The following SIPA1L1 variants were observed in gnomAD, a reference collection of about 807,000 sequenced individuals.
SIPA1L1 encodes the protein signal-induced proliferation-associated 1-like protein 1.
SIPA1L1 carries 26 observed loss-of-function variants against 162.7 expected under a neutral mutation model. The ratio of observed to expected loss-of-function variants is 0.16; its 90% CI spans 0.12 to 0.22. The LOEUF is 0.22. Among genes scored for constraint, SIPA1L1 ranks in the 10% least tolerant of loss-of-function variants. The pLI is 1.00. For missense variants in SIPA1L1, 1,874 were observed against 2,241.0 expected, an observed-to-expected ratio of 0.84 and a Z score of 3.31; for synonymous variants, 829 against 837.4, an observed-to-expected ratio of 0.99 and a Z score of 0.17.
intron 21 of SIPA1L1, among the ~76,000 whole-genome samples, chr14:71,734,068 C>A (rs2085054997): frequency 6.6e-6 from 1 of 152,232 alleles, no homozygotes; most frequent in Admixed American, 6.5e-5. Context: ...ATGGGAAGGG[C>A]AATGGGTAGA....
intron 2 of SIPA1L1, among the ~76,000 whole-genome samples, chr14:71,462,130 G>T (rs2046648083): frequency 6.6e-6 from 1 of 152,242 alleles, no homozygotes; most frequent in African/African-American, 2.4e-5. Flanking sequence ...AGTTCAGGTT[G>T]CATGGTGACT....
chr14:71,500,549 A>G (rs1467597295), intron 2 of SIPA1L1, among the ~76,000 whole-genome samples: 2 of 152,216 alleles, frequency 1.3e-5, no homozygotes, highest in Non-Finnish European at 2.9e-5. Context: ...ACACCCTGCT[A>G]GTGGGAGTAA....
intron 2 of SIPA1L1, among the ~76,000 whole-genome samples, chr14:71,393,598 A>G (rs2040942091): frequency 6.6e-6 from 1 of 152,090 alleles, no homozygotes; most frequent in South Asian, 2.1e-4. Flanking sequence ...AGATGAGGCA[A>G]GACGTTCAAG....
intron 2 of SIPA1L1, among the ~76,000 whole-genome samples, chr14:71,408,228 A>G (rs970741108): frequency 2.6e-5 from 4 of 152,194 alleles, no homozygotes; most frequent in Non-Finnish European, 5.9e-5. Flanking sequence ...CTCAGATAGT[A>G]GAGTGGTATT....
At chr14:71,356,348 TATA>T (rs1375174019) in intron 2 of SIPA1L1, among the ~76,000 whole-genome samples, 3 of 151,816 alleles carry the variant, frequency 2.0e-5, no homozygotes, top group Admixed American at 6.6e-5. Context: ...TTTAAAATAA[TATA>T]ATGTTAATTA....
intron 2 of SIPA1L1, among the ~76,000 whole-genome samples, chr14:71,462,380 C>T (rs532478565): frequency 4.5e-4 from 68 of 152,280 alleles, no homozygotes; most frequent in Admixed American, 4.3e-3. Flanking sequence ...GCACAGCAGC[C>T]TGGACCTGTT....
chr14:71,522,777 T>G (rs1008465465), intron 3 of SIPA1L1, among the ~76,000 whole-genome samples: 4 of 151,308 alleles, frequency 2.6e-5, no homozygotes, highest in African/African-American at 9.7e-5. Flanking sequence ...CACTGCAACC[T>G]CTACCTCTCA....
intron 2 of SIPA1L1, among the ~76,000 whole-genome samples, chr14:71,478,432 CTT>C (rs1489344589): frequency 6.6e-6 from 1 of 151,724 alleles, no homozygotes; most frequent in African/African-American, 2.4e-5. Context: ...TCCAAGAACT[CTT>C]TGACTAACTA....
chr14:71,727,910 C>T (rs2084389921), intron 19 of SIPA1L1, among the ~76,000 whole-genome samples: 1 of 152,210 alleles, frequency 6.6e-6, no homozygotes, highest in Admixed American at 6.5e-5. Context: ...GCTTCCTCTG[C>T]TTCCTGCCCT....
In SIPA1L1 at chr14:71,741,172, CCTT is replaced by C. The variant is rs1207288108; in HGVS notation, c.*2014_*2016del. ...AATGATGATTCTTGAAAATTTCTGT[CCTT>C]CTCAGAATGTTAATAAACTTTTTTA... is the stretch of plus-strand genomic sequence containing the variant. On this transcript the variant is annotated 3_prime_UTR_variant, in exon 24 of 24. Coordinates refer to ENST00000381232, the MANE Select transcript of SIPA1L1 (RefSeq NM_001386936.1). 1.3e-5 allele frequency: 2 copies of C among 152,168 alleles called. No homozygotes were observed. Among genetic ancestry groups the C allele is most frequent in the Non-Finnish European group, 2.9e-5 (2 of 68,030 alleles). The allele number at this position is 152,168 out of a possible 1,614,324, so 9.4% of individuals were successfully genotyped here.
At chr14:71,411,072 T>TA (rs1460320821) in intron 2 of SIPA1L1, among the ~76,000 whole-genome samples, 1 of 152,184 alleles carries the variant, frequency 6.6e-6, no homozygotes, top group African/African-American at 2.4e-5. Flanking sequence ...GGGTGGTAGT[T>TA]ACATTGCACT....
chr14:71,570,334 A>G (rs1428717643), intron 4 of SIPA1L1, among the ~76,000 whole-genome samples: 1 of 151,914 alleles, frequency 6.6e-6, no homozygotes, highest in Non-Finnish European at 1.5e-5. Context: ...GTGTAGTGGC[A>G]TGATCTCGGT....
chr14:71,517,891 T>G lies in SIPA1L1; in HGVS notation c.-362+5046T>G, dbSNP rs1248446314. Among the ~76,000 whole-genome samples the G allele has an allele frequency of 2.0e-5, 3 of 152,198 alleles. No individual in the cohort carries two copies. The South Asian group carries it at 6.2e-4, about 31-fold the overall frequency. The stretch of plus-strand genomic sequence containing the variant: ...AGTTATATACTCTGGATACTTATAT[T>G]TTGTTGATATGATTTTTAATTTGTG... On this transcript the variant is annotated intron_variant, in intron 3 of 23. Coordinates refer to ENST00000381232, the MANE Select transcript of SIPA1L1 (RefSeq NM_001386936.1).
chr14:71,565,902 A>G (rs2030428845), intron 4 of SIPA1L1, among the ~76,000 whole-genome samples: 1 of 152,102 alleles, frequency 6.6e-6, no homozygotes, highest in African/African-American at 2.4e-5. Flanking sequence ...GCATATATAA[A>G]TATGTGTTCA....
intron 12 of SIPA1L1, among the ~76,000 whole-genome samples, chr14:71,674,969 T>C (rs1481614967): frequency 6.6e-6 from 1 of 152,234 alleles, no homozygotes; most frequent in African/African-American, 2.4e-5. Flanking sequence ...ACTGCCACGT[T>C]GTGTGCTTAG....
At position 71,723,741 on chromosome 14, in the gene SIPA1L1, C is replaced by T. The variant is rs1010304050; in HGVS notation, c.4303C>T (p.Leu1435Phe). 37 of 1,614,250 alleles carry T rather than the reference C, an allele frequency of 2.3e-5. No homozygotes were observed. The highest frequency in any genetic ancestry group is 3.1e-5 in the Non-Finnish European group (36 of 1,180,048). Residue 1435 changes from leucine to phenylalanine, a missense_variant, in exon 18 of 24, where the codon CTC becomes TTC. By Grantham distance (22) the Leu-to-Phe change is conservative. This residue lies in a region of SIPA1L1 where 936 missense variants were observed against 1,051.9 expected (regional missense o/e 0.89). Transcript: ENST00000381232. ...GCTTCATCCAGCTGCCCCCTCACAG[C>T]TCGCACCATCCTTCTCCTCCTCTTC... Reference protein sequence around the residue: ...EELHPAAPSQLAPSFSSSSSS... With the variant: ...EELHPAAPSQFAPSFSSSSSS...
chr14:71,429,455 C>T lies in SIPA1L1; in HGVS notation c.-464-83288C>T, dbSNP rs571805617. Among the ~76,000 whole-genome samples the T allele has an allele frequency of 3.3e-5, 5 of 151,522 alleles. No individual in the cohort carries two copies. In the East Asian group the frequency reaches 9.7e-4, roughly 29 times the overall value. On this transcript the variant is annotated intron_variant, in intron 2 of 23. Coordinates refer to ENST00000381232, the MANE Select transcript of SIPA1L1 (RefSeq NM_001386936.1). ...CTTTGGATAGGTATTCATGTTGGTTCATATAATCCCAGTTCATCCTTTTTA... is the reference window on the plus strand; with the variant it reads ...CTTTGGATAGGTATTCATGTTGGTTTATATAATCCCAGTTCATCCTTTTTA...
intron 2 of SIPA1L1, among the ~76,000 whole-genome samples, chr14:71,480,762 C>T (rs1241955115): frequency 1.3e-5 from 2 of 151,716 alleles, no homozygotes; most frequent in African/African-American, 4.8e-5. Context: ...ACTCTGTTTC[C>T]AAAACAAAAA....
At chr14:71,624,735 A>G (rs924790857) in intron 7 of SIPA1L1, among the ~76,000 whole-genome samples, 6 of 152,180 alleles carry the variant, frequency 3.9e-5, no homozygotes, top group Non-Finnish European at 5.9e-5. Flanking sequence ...AATAAATCCA[A>G]TTTCACACAG....
Sources: allele counts gnomAD v4.1 joint callset (sites outside exome capture counted in the v4.1 genomes callset), GRCh38; gene constraint gnomAD v4.1.1; regional missense constraint gnomAD v4.1.1; transcripts MANE v1.5; gene names NCBI Gene and HGNC (gene_info 2026-07-23, HGNC 2026-07-21).